LIFR: variants seen among roughly 807,000 people sequenced by gnomAD.
LIFR encodes LIF receptor subunit alpha.
LIFR carries 84 observed loss-of-function variants against 122.2 expected under a neutral mutation model. The ratio of observed to expected loss-of-function variants is 0.69; its 90% CI spans 0.58 to 0.82. The LOEUF (loss-of-function observed/expected upper bound fraction) is 0.82. Among genes scored for constraint, LIFR ranks in the 40% least tolerant of loss-of-function variants. The pLI, the probability that LIFR is intolerant of heterozygous loss-of-function variation, is 0.00. For synonymous variants in LIFR, 422 were observed against 434.7 expected, an observed-to-expected ratio of 0.97 and a Z score of 0.36; for missense variants, 1,294 against 1,311.6, an observed-to-expected ratio of 0.99 and a Z score of 0.21.
At chr5:38,492,658 A>C (rs1421358172) in intron 14 of LIFR, among the ~76,000 whole-genome samples, 1 of 152,194 alleles carries the variant, frequency 6.6e-6, no homozygotes, top group Non-Finnish European at 1.5e-5. Flanking sequence ...TAATCCAATG[A>C]ATGGGACCCA....
At chr5:38,588,390 C>T (rs1749816894) in intron 1 of LIFR, among the ~76,000 whole-genome samples, 2 of 152,198 alleles carry the variant, frequency 1.3e-5, no homozygotes, top group African/African-American at 2.4e-5. Context: ...ATGAAGGACA[C>T]TGTATGCAGG....
At chr5:38,536,637 C>G (rs1747309881) in intron 1 of LIFR, among the ~76,000 whole-genome samples, 1 of 152,150 alleles carries the variant, frequency 6.6e-6, no homozygotes, top group South Asian at 2.1e-4. Flanking sequence ...ATCATAAATA[C>G]TCATTAAATT....
intron 1 of LIFR, among the ~76,000 whole-genome samples, chr5:38,533,803 G>A (rs1169004601): frequency 2.0e-5 from 3 of 152,164 alleles, no homozygotes; most frequent in African/African-American, 7.2e-5. Flanking sequence ...GTGGCACTGA[G>A]GCCTCCAGCC....
At chr5:38,507,563 CAAA>C (rs35427960) in intron 7 of LIFR, among the ~76,000 whole-genome samples, 3 of 110,938 alleles carry the variant, frequency 2.7e-5, no homozygotes, top group Middle Eastern at 4.9e-3. Context: ...TACTCCGTCT[CAAA>C]AAAAAAAAAA....
At chr5:38,597,705 G>C (rs1393806510), upstream of LIFR, among the ~76,000 whole-genome samples, 1 of 152,176 alleles carries the variant, frequency 6.6e-6, no homozygotes, top group Non-Finnish European at 1.5e-5. Flanking sequence ...GAGAACCCCT[G>C]TGCTGGAGTG....
At chr5:38,553,940 C>A (rs984181807) in intron 1 of LIFR, among the ~76,000 whole-genome samples, 5 of 151,682 alleles carry the variant, frequency 3.3e-5, no homozygotes, top group African/African-American at 9.7e-5. Flanking sequence ...AAGTTATTAA[C>A]CCCATCATAA....
intron 5 of LIFR, among the ~76,000 whole-genome samples, chr5:38,513,988 C>T (rs770219895): frequency 1.3e-5 from 2 of 151,878 alleles, no homozygotes; most frequent in Non-Finnish European, 2.9e-5. Flanking sequence ...AGAGATAAGA[C>T]ATTGCATCAT....
At chr5:38,494,361 C>T (rs1161286269) in intron 13 of LIFR, among the ~76,000 whole-genome samples, 2 of 152,060 alleles carry the variant, frequency 1.3e-5, no homozygotes, top group Non-Finnish European at 2.9e-5. Context: ...AGGGAGAAAG[C>T]TGTGGAGACA....
chr5:38,581,043 A>C (rs1295346267), intron 1 of LIFR, among the ~76,000 whole-genome samples: 1 of 152,148 alleles, frequency 6.6e-6, no homozygotes, highest in African/African-American at 2.4e-5. Context: ...CATCTATAAA[A>C]AAAGGATCAT....
At chr5:38,585,658 A>G (rs914242122) in intron 1 of LIFR, among the ~76,000 whole-genome samples, 1 of 152,160 alleles carries the variant, frequency 6.6e-6, no homozygotes, top group African/African-American at 2.4e-5. Flanking sequence ...TATTTCTAAA[A>G]TAGAGGGACA....
intron 5 of LIFR, among the ~76,000 whole-genome samples, chr5:38,512,619 G>A: frequency 6.6e-6 from 1 of 152,096 alleles, no homozygotes; most frequent in East Asian, 1.9e-4. Flanking sequence ...CAGCCTGGGT[G>A]GCAGAATGAT....
Position 38,482,003 on chromosome 5 carries a change from G to A in LIFR, c.2886C>T (p.Ala962=), listed in dbSNP as rs775970749. The change falls in exon 20 of 20, where the codon GCC becomes GCT. Residue 962 remains alanine (A), a synonymous_variant. Transcript: ENST00000453190. ...GTGCAGTCCCTCCAGCTTCATCTGC[G>A]GCTGGGTTTGGTATTTCTTCCTCAA... ...PIIEEEIPNP[A]ADEAGGTAQV... The A allele has an allele frequency of 3.2e-5, 52 of 1,613,970 alleles. No homozygotes were observed. The African/African-American group carries it at 4.1e-4, about 13-fold the overall frequency.
At chr5:38,582,028 A>G (rs1382511482) in intron 1 of LIFR, among the ~76,000 whole-genome samples, 1 of 148,052 alleles carries the variant, frequency 6.8e-6, no homozygotes, top group Non-Finnish European at 1.5e-5. Context: ...TGCTTATTAC[A>G]CTGGACAAAT....
rs578231637 is a variant in LIFR, at chr5:38,480,662, C to T, written c.*933G>A. 9 of 215,012 alleles carry T rather than the reference C, an allele frequency of 4.2e-5. No homozygotes were observed. The highest frequency in any genetic ancestry group is 1.2e-4 in the Admixed American group (2 of 17,102). The allele number at this position is 215,012 out of a possible 1,614,324, so 13.3% of individuals were successfully genotyped here. ...CAATCAGAACTATATGGACAGCTAA[C>T]GCTGCTAGATATTGCTTAGTAGTCA... On this transcript the variant is annotated 3_prime_UTR_variant, in exon 20 of 20. Transcript: ENST00000453190.
At chr5:38,577,642 A>T (rs1406366537) in intron 1 of LIFR, among the ~76,000 whole-genome samples, 1 of 152,120 alleles carries the variant, frequency 6.6e-6, no homozygotes, top group Non-Finnish European at 1.5e-5. Context: ...CTCAAAAACC[A>T]TGGACGTTTT....
At chr5:38,509,792 A>T (rs554506087) in intron 7 of LIFR, among the ~76,000 whole-genome samples, 1 of 152,304 alleles carries the variant, frequency 6.6e-6, no homozygotes, top group Middle Eastern at 3.4e-3. Context: ...AGACCTAAAA[A>T]TTCTACATAT....
At chr5:38,527,614 C>T (rs777538434) in intron 3 of LIFR, among the ~76,000 whole-genome samples, 28 of 152,290 alleles carry the variant, frequency 1.8e-4, no homozygotes, top group Middle Eastern at 3.4e-3. Context: ...CACTCCACCC[C>T]TTCACTGAGG....
intron 5 of LIFR, among the ~76,000 whole-genome samples, chr5:38,512,893 T>C (rs545578411): frequency 6.6e-6 from 1 of 152,234 alleles, no homozygotes; most frequent in South Asian, 2.1e-4. Flanking sequence ...AGCATTTCAA[T>C]AAAATAGTTT....
intron 1 of LIFR, among the ~76,000 whole-genome samples, chr5:38,540,591 G>C (rs904136250): frequency 6.6e-6 from 1 of 152,166 alleles, no homozygotes; most frequent in Non-Finnish European, 1.5e-5. Flanking sequence ...CATGACACAG[G>C]CTGGCGGGCA....
Sources: allele counts gnomAD v4.1 joint callset (sites outside exome capture counted in the v4.1 genomes callset), GRCh38; gene constraint gnomAD v4.1.1; transcripts MANE v1.5; gene names NCBI Gene and HGNC (gene_info 2026-07-23, HGNC 2026-07-21).